The following UBE2E2 variants were observed in gnomAD, a reference collection of about 807,000 sequenced individuals.
The protein encoded by UBE2E2 is ubiquitin-conjugating enzyme E2 E2.
In UBE2E2, 6 loss-of-function variants were observed where a neutral mutation model predicts 24.7. The ratio of observed to expected loss-of-function variants is 0.24; its 90% CI spans 0.13 to 0.48. UBE2E2 has a LOEUF of 0.48. UBE2E2 is among the 20% of genes least tolerant of loss of function. The probability of loss-of-function intolerance (pLI) is 0.99; values close to 1 mark genes in which losing one functional copy is unlikely to be tolerated. For missense variants in UBE2E2, 169 were observed against 245.0 expected, an observed-to-expected ratio of 0.69 and a Z score of 2.07; for synonymous variants, 104 against 83.6, an observed-to-expected ratio of 1.24 and a Z score of -1.33.
chr3:23,499,372 G>A (rs1185943987), intron 3 of UBE2E2, among the ~76,000 whole-genome samples: 2 of 152,170 alleles, frequency 1.3e-5, no homozygotes, highest in East Asian at 3.9e-4. Flanking sequence ...TTGTTCCATA[G>A]GCGTAGGGTT....
intron 3 of UBE2E2, among the ~76,000 whole-genome samples, chr3:23,452,882 C>T: frequency 6.6e-6 from 1 of 152,108 alleles, no homozygotes; most frequent in Non-Finnish European, 1.5e-5. Context: ...TTCTGTTCTC[C>T]ACAGCACGCT....
At chr3:23,265,835 T>G (rs2125357761) in intron 3 of UBE2E2, among the ~76,000 whole-genome samples, 1 of 152,340 alleles carries the variant, frequency 6.6e-6, no homozygotes, top group Non-Finnish European at 1.5e-5. Context: ...TGCTCCTGTG[T>G]TGGGTGCATA....
chr3:23,282,201 T>G (rs1052961689), intron 3 of UBE2E2, among the ~76,000 whole-genome samples: 2 of 152,218 alleles, frequency 1.3e-5, no homozygotes, highest in African/African-American at 4.8e-5. Context: ...GAAAATAATA[T>G]CAGTATTGGA....
At chr3:23,295,207 A>G (rs1698877808) in intron 3 of UBE2E2, among the ~76,000 whole-genome samples, 1 of 152,198 alleles carries the variant, frequency 6.6e-6, no homozygotes, top group African/African-American at 2.4e-5. Context: ...TCTAGTGTCC[A>G]TTCTTGCTCT....
chr3:23,350,951 G>C (rs1323759802), intron 3 of UBE2E2, among the ~76,000 whole-genome samples: 3 of 152,112 alleles, frequency 2.0e-5, no homozygotes, highest in Admixed American at 6.5e-5. Flanking sequence ...CACCAAAGTT[G>C]AAATGAAGGA....
chr3:23,557,213 G>T (rs1695811839), intron 5 of UBE2E2, among the ~76,000 whole-genome samples: 1 of 152,192 alleles, frequency 6.6e-6, no homozygotes, highest in Admixed American at 6.5e-5. Context: ...AAAATTGTGA[G>T]GAGCACCTCC....
At chr3:23,218,741 T>A (rs1240895005) in intron 3 of UBE2E2, among the ~76,000 whole-genome samples, 2 of 152,080 alleles carry the variant, frequency 1.3e-5, no homozygotes, top group Non-Finnish European at 2.9e-5. Context: ...ATAAATGAAA[T>A]CCACATACAG....
Position 23,556,275 on chromosome 3 carries a change from G to A in UBE2E2, c.508+23574G>A, listed in dbSNP as rs1288241192. 2.0e-5 allele frequency among the ~76,000 whole-genome samples: 3 copies of A among 149,368 alleles called. No individual in the cohort carries two copies. In the East Asian group the frequency reaches 5.9e-4, roughly 30 times the overall value. Reference sequence around the variant, plus strand: ...TTCTTCTGCCTCAAGCTCCTGAGTAGCTGGGACTACAGGCGTGTGCCACTG... The same window carrying A: ...TTCTTCTGCCTCAAGCTCCTGAGTAACTGGGACTACAGGCGTGTGCCACTG... On this transcript the variant is annotated intron_variant, in intron 5 of 5. Transcript: ENST00000396703.
At chr3:23,405,321 A>C (rs1159129307) in intron 3 of UBE2E2, among the ~76,000 whole-genome samples, 1 of 152,184 alleles carries the variant, frequency 6.6e-6, no homozygotes, top group Non-Finnish European at 1.5e-5. Context: ...GAATGAAATG[A>C]GGTTATGTAA....
At chr3:23,226,862 G>A (rs1419718283) in intron 3 of UBE2E2, among the ~76,000 whole-genome samples, 1 of 151,612 alleles carries the variant, frequency 6.6e-6, no homozygotes, top group Non-Finnish European at 1.5e-5. Context: ...AAATTAATTT[G>A]TAATATGGAG....
At chr3:23,522,455 C>A (rs1054998141) in intron 4 of UBE2E2, among the ~76,000 whole-genome samples, 2 of 152,034 alleles carry the variant, frequency 1.3e-5, no homozygotes, top group African/African-American at 4.8e-5. Flanking sequence ...TTTTTAAATT[C>A]CTTGTTTTAA....
intron 3 of UBE2E2, among the ~76,000 whole-genome samples, chr3:23,321,146 C>A (rs927970728): frequency 6.6e-6 from 1 of 152,202 alleles, no homozygotes; most frequent in Non-Finnish European, 1.5e-5. Context: ...ACATGGTGTT[C>A]GCCCCTATAT....
chr3:23,203,571 ACACCGCTC>A, intron 1 of UBE2E2, 107 bp downstream of exon 1: 1 of 680,848 alleles, frequency 1.5e-6, no homozygotes, highest in Non-Finnish European at 1.8e-6. Context: ...GTCTCTGCTT[ACACCGCTC>A]GTGCCCTAGT....
At chr3:23,547,387 T>A (rs1003474265) in intron 5 of UBE2E2, among the ~76,000 whole-genome samples, 7 of 152,232 alleles carry the variant, frequency 4.6e-5, no homozygotes, top group African/African-American at 9.6e-5. Flanking sequence ...TAGCTGACTA[T>A]GGTCTGTATA....
intron 4 of UBE2E2, among the ~76,000 whole-genome samples, chr3:23,526,486 T>C (rs1161455538): frequency 6.6e-6 from 1 of 152,204 alleles, no homozygotes; most frequent in Non-Finnish European, 1.5e-5. Flanking sequence ...CAGTGGGCTC[T>C]TTATGTATGC....
chr3:23,499,882 G>C, intron 4 of UBE2E2, 142 bp downstream of exon 4: 2 of 1,047,606 alleles, frequency 1.9e-6, no homozygotes, highest in Non-Finnish European at 2.5e-6. Flanking sequence ...TGTATAAAAT[G>C]AAACAATGTA....
chr3:23,273,129 A>C lies in UBE2E2; in HGVS notation c.227+55817A>C, dbSNP rs139640858. Among the ~76,000 whole-genome samples, 14 of 152,392 alleles carry C rather than the reference A, an allele frequency of 9.2e-5. No homozygotes were observed. The East Asian group carries it at 2.7e-3, about 29-fold the overall frequency. ...CACTTTGTGCCCCAGTCAAGTTGAC[A>C]CATAAAATTAATCATCACAGATGGT... On this transcript the variant is annotated intron_variant, in intron 3 of 5. Transcript: ENST00000396703.
At chr3:23,394,408 T>C (rs1192985917) in intron 3 of UBE2E2, among the ~76,000 whole-genome samples, 1 of 152,206 alleles carries the variant, frequency 6.6e-6, no homozygotes, top group Non-Finnish European at 1.5e-5. Flanking sequence ...AGTATGACTT[T>C]ACAGTTTGCT....
intron 5 of UBE2E2, among the ~76,000 whole-genome samples, chr3:23,533,879 C>T (rs934375992): frequency 6.6e-6 from 1 of 151,974 alleles, no homozygotes; most frequent in Admixed American, 6.6e-5. Context: ...CTTTGGCCCC[C>T]CAAAGTGCTG....
Sources: gnomAD v4.1 joint callset for allele counts (sites outside exome capture counted in the v4.1 genomes callset) on GRCh38, gnomAD v4.1.1 for gene constraint, MANE v1.5 for transcripts, NCBI Gene and HGNC (gene_info 2026-07-23, HGNC 2026-07-21) for gene names.